OCIAD1: variants seen among roughly 807,000 people sequenced by gnomAD.
OCIAD1 encodes the protein OCIA domain-containing protein 1.
Under a neutral mutation model 38.9 loss-of-function variants are expected in OCIAD1, and 29 were observed. The ratio of observed to expected loss-of-function variants is 0.74; its 90% CI spans 0.55 to 1.02. The LOEUF (loss-of-function observed/expected upper bound fraction) is 1.02. Among genes scored for constraint, OCIAD1 ranks in the 50% least tolerant of loss-of-function variants. OCIAD1 has a pLI of 0.00. For synonymous variants in OCIAD1, 110 were observed against 92.0 expected (o/e 1.20, Z -1.12); for missense variants, 288 against 289.6 (o/e 0.99, Z 0.04).
chr4:48,836,299 C>T (rs1369931035), intron 3 of OCIAD1, among the ~76,000 whole-genome samples: 5 of 151,926 alleles, frequency 3.3e-5, no homozygotes, highest in African/African-American at 9.7e-5. Flanking sequence ...TTAAAAAGTT[C>T]GACTAAGGGG....
At chr4:48,829,906 T>A (rs1777344990), upstream of OCIAD1, among the ~76,000 whole-genome samples, 1 of 152,226 alleles carries the variant, frequency 6.6e-6, no homozygotes. Flanking sequence ...TACATTGCAG[T>A]GACAGCAGTA....
At chr4:48,829,229 C>T (rs546174376), upstream of OCIAD1, among the ~76,000 whole-genome samples, 12 of 151,762 alleles carry the variant, frequency 7.9e-5, no homozygotes, top group African/African-American at 2.7e-4. Flanking sequence ...CACTGTACTA[C>T]GGTCTAGACA....
chr4:48,840,697 A>C lies in OCIAD1; in HGVS notation c.140-1939A>C, dbSNP rs181666889. ...TGCATGAGCTAAGAATTGTTTTTAC[A>C]TTTTTAAATGGTTAAGAGGCTGGGT... On this transcript the variant is annotated intron_variant, in intron 3 of 8. Transcript: ENST00000264312. Among the ~76,000 whole-genome samples the C allele has an allele frequency of 4.3e-4, 65 of 152,292 alleles. 1 individual carries two copies. The East Asian group carries it at 0.012, about 29-fold the overall frequency.
chr4:48,831,627 A>C (rs1777511784), intron 1 of OCIAD1: 1 of 1,083,666 alleles, frequency 9.2e-7, no homozygotes, highest in Middle Eastern at 2.3e-4. Context: ...GTCAGCCCTG[A>C]CAGTCTTCCT....
intron 3 of OCIAD1, among the ~76,000 whole-genome samples, chr4:48,836,080 G>A (rs889812039): frequency 2.6e-5 from 4 of 152,164 alleles, no homozygotes; most frequent in Admixed American, 6.5e-5. Context: ...TGATATGTAA[G>A]GTTTTTTTTA....
chr4:48,842,746 G>GT lies in OCIAD1; in HGVS notation c.193+58dup, dbSNP rs1234090712. ...TTTTGGATACCATGTTTGTTTTGTG[G>GT]TATTTTCCAGGTCTTTAGAAAAAGT... is the stretch of plus-strand genomic sequence containing the variant. On this transcript the variant is annotated intron_variant, in intron 4 of 8. Coordinates refer to ENST00000264312, the MANE Select transcript of OCIAD1 (RefSeq NM_017830.4). 5.5e-6 allele frequency: 5 copies of GT among 914,266 alleles called. No homozygotes were observed. The African/African-American group carries it at 6.9e-5, about 13-fold the overall frequency. The allele number at this position is 914,266 out of a possible 1,614,324, so 56.6% of individuals were successfully genotyped here. A position where few individuals can be genotyped will look rare whatever the true frequency, so the allele number is the denominator to read the frequency against.
intron 1 of OCIAD1, among the ~76,000 whole-genome samples, chr4:48,817,310 T>A (rs1264649843): frequency 6.6e-6 from 1 of 152,056 alleles, no homozygotes; most frequent in Non-Finnish European, 1.5e-5. Context: ...GGGCCCTGGG[T>A]TTCAAGCACA....
In OCIAD1 at chr4:48,848,453, A is replaced by G. The variant is rs1213585118; in HGVS notation, c.241+7A>G. 5.1e-6 allele frequency: 7 copies of G among 1,380,212 alleles called. No individual in the cohort carries two copies. The highest frequency in any genetic ancestry group is 7.1e-6 in the Non-Finnish European group (7 of 982,854). The allele number at this position is 1,380,212 out of a possible 1,614,324, so 85.5% of individuals were successfully genotyped here. ...TCCATCCCTAAACTTATACGTAAGT[A>G]TGAACAACATTGTAGTTTTCATAGC... On this transcript the variant is annotated splice_region_variant and intron_variant, in intron 5 of 8. Coordinates refer to ENST00000264312, the MANE Select transcript of OCIAD1 (RefSeq NM_017830.4).
chr4:48,823,348 C>T (rs1777213269), intron 1 of OCIAD1, among the ~76,000 whole-genome samples: 2 of 151,454 alleles, frequency 1.3e-5, no homozygotes, highest in Non-Finnish European at 1.5e-5. Context: ...AGCGAGAACA[C>T]ATGGACACAG....
chr4:48,850,819 C>T (rs1779385881), intron 6 of OCIAD1, among the ~76,000 whole-genome samples: 1 of 152,194 alleles, frequency 6.6e-6, no homozygotes, highest in African/African-American at 2.4e-5. Context: ...AAGTGATCTG[C>T]CCCACTTGGC....
At chr4:48,824,918 T>A (rs1777233530) in intron 1 of OCIAD1, among the ~76,000 whole-genome samples, 1 of 152,086 alleles carries the variant, frequency 6.6e-6, no homozygotes. Context: ...GTATTTTTAG[T>A]AGAGACAGGG....
chr4:48,831,106 C>G lies in OCIAD1; in HGVS notation c.-149C>G, dbSNP rs1318448247. On this transcript the variant is annotated 5_prime_UTR_variant, in exon 1 of 9. Transcript: ENST00000264312. ...TCATTTTGAGCCCCTGTCTGGATGA[C>G]TTCTTGCGGCTGTTCTACCCCTCCC... 3.8e-6 allele frequency: 1 copy of G among 264,868 alleles called. No homozygotes were observed. Among genetic ancestry groups the G allele is most frequent in the Non-Finnish European group, 7.6e-6 (1 of 131,440 alleles). The allele number at this position is 264,868 out of a possible 1,614,324, so 16.4% of individuals were successfully genotyped here.
chr4:48,842,490 C>T (rs1161974510), intron 3 of OCIAD1, 146 bp from the exon 4 acceptor site: 10 of 615,806 alleles, frequency 1.6e-5, no homozygotes, highest in Admixed American at 3.5e-5. Context: ...TACAGTACAG[C>T]TTTTAAAAAT....
intron 1 of OCIAD1, among the ~76,000 whole-genome samples, chr4:48,812,108 C>G (rs911849774): frequency 6.6e-6 from 1 of 151,318 alleles, no homozygotes; most frequent in African/African-American, 2.4e-5. Flanking sequence ...GGGTGAAACC[C>G]TATCTCTACT....
At chr4:48,860,493 G>T (rs1054159615) in intron 8 of OCIAD1, among the ~76,000 whole-genome samples, 2 of 152,000 alleles carry the variant, frequency 1.3e-5, no homozygotes, top group African/African-American at 2.4e-5. Flanking sequence ...ATTGTGTTTA[G>T]AAGTTTGTTA....
chr4:48,841,182 C>T (rs530367741), intron 3 of OCIAD1, among the ~76,000 whole-genome samples: 30 of 152,160 alleles, frequency 2.0e-4, no homozygotes, highest in South Asian at 8.3e-4. Flanking sequence ...TGCTTTAAAA[C>T]GGCAATTGAG....
intron 7 of OCIAD1, 99 bp downstream of exon 7, chr4:48,852,074 C>A: frequency 1.2e-6 from 1 of 833,608 alleles, no homozygotes; most frequent in Non-Finnish European, 1.9e-6. Flanking sequence ...CCTGTGTGTT[C>A]TACCATCAAT....
At chr4:48,828,712 A>G (rs1170244662), upstream of OCIAD1, among the ~76,000 whole-genome samples, 1 of 152,216 alleles carries the variant, frequency 6.6e-6, no homozygotes. Flanking sequence ...TCCTGAAGCC[A>G]GCAAGACCAC....
chr4:48,834,317 A>G (rs1777785583), intron 3 of OCIAD1, among the ~76,000 whole-genome samples: 1 of 152,138 alleles, frequency 6.6e-6, no homozygotes, highest in African/African-American at 2.4e-5. Context: ...GATTACAGGC[A>G]TGTGCAACCA....
Sources: gnomAD v4.1 joint callset for allele counts (sites outside exome capture counted in the v4.1 genomes callset) on GRCh38, gnomAD v4.1.1 for gene constraint, MANE v1.5 for transcripts, NCBI Gene and HGNC (gene_info 2026-07-23, HGNC 2026-07-21) for gene names.